Variants in PIAS3 observed in about 807,000 individuals in gnomAD.
PIAS3 encodes the protein E3 SUMO-protein ligase PIAS3.
A neutral mutation model predicts 67.6 loss-of-function variants in PIAS3; 34 were observed. The observed-to-expected ratio is 0.50, with a 90% CI of 0.38 to 0.67. The LOEUF is 0.67. Ranked by LOEUF, PIAS3 falls within the 30% of genes least tolerant of loss-of-function variation. The pLI is 0.00. For synonymous variants in PIAS3, 341 were observed against 313.8 expected, an observed-to-expected ratio of 1.09 and a Z score of -0.92; for missense variants, 693 against 791.6, an observed-to-expected ratio of 0.88 and a Z score of 1.49.
intron 9 of PIAS3, among the ~76,000 whole-genome samples, chr1:145,852,653 C>T (rs1653010095): frequency 1.3e-5 from 2 of 151,444 alleles, no homozygotes; most frequent in South Asian, 4.2e-4. Context: ...TGCAGTAATG[C>T]AATCATAGCT....
At position 145,859,008 on chromosome 1, in the gene PIAS3, G is replaced by A; in HGVS notation, c.-18C>T. 6.5e-7 allele frequency: 1 copy of A among 1,542,880 alleles called. No individual in the cohort carries two copies. The highest frequency in any genetic ancestry group is 1.7e-4 in the Middle Eastern group (1 of 5,726). On this transcript the variant is annotated 5_prime_UTR_variant, in exon 1 of 14. Transcript: ENST00000393045. ...TCCGCCATCTTGAGACATCGCAGGCGCCCCAGCCGGAGCCGGAGCTCAGGC... is the reference window on the plus strand; with the variant it reads ...TCCGCCATCTTGAGACATCGCAGGCACCCCAGCCGGAGCCGGAGCTCAGGC...
intron 1 of PIAS3, among the ~76,000 whole-genome samples, chr1:145,857,674 C>A (rs1346594786): frequency 6.6e-6 from 1 of 152,216 alleles, no homozygotes; most frequent in Non-Finnish European, 1.5e-5. Context: ...CCCCTCCCCA[C>A]AACTTAGTCC....
In PIAS3 at chr1:145,849,638, G is replaced by A. The variant is rs782718866; in HGVS notation, c.1695C>T (p.Thr565=). Residue 565 remains threonine, a synonymous_variant, in exon 14 of 14, where the codon ACC becomes ACT. Coordinates refer to ENST00000393045, the MANE Select transcript of PIAS3 (RefSeq NM_006099.3). ...CCAGTGGGCCCAGAAAGTGAGAAGG[G>A]GTCCCTCGGTACTGGAAGAAGTGGC... ...ALGHFFQYRG[T]PSHFLGPLAP... is the part of the protein sequence containing the mutation. 17 of 1,613,316 alleles carry A rather than the reference G, an allele frequency of 1.1e-5. 1 individual carries two copies. The highest frequency in any genetic ancestry group is 1.7e-5 in the Admixed American group (1 of 59,906).
intron 12 of PIAS3, 54 bp from the exon 13 acceptor site, chr1:145,850,323 A>T (rs1652905422): frequency 3.1e-6 from 5 of 1,613,696 alleles, no homozygotes. Context: ...CTTTACCACC[A>T]AAAGACAAAG....
Position 145,854,493 on chromosome 1 carries a change from T to C in PIAS3, c.875A>G (p.Lys292Arg), listed in dbSNP as rs1559164173. ...CGAGTGGTCTGGGTTCCGGATACCC[T>C]TTGCTCTGAGTTTTTGTAGAAGGGT... ...AGTLLQKLRA[K>R]GIRNPDHSRA... The change falls in exon 7 of 14, where the codon AAG becomes AGG. Residue 292 changes from lysine (K) to arginine (R), a missense_variant. Lys to Arg is a conservative substitution (Grantham distance 26, BLOSUM62 2). Around this residue, in one of 3 missense-constraint regions of PIAS3, gnomAD observed 115 missense variants for 181.8 expected, o/e 0.63. Transcript: ENST00000393045. 6.2e-7 allele frequency: 1 copy of C among 1,614,098 alleles called. No individual in the cohort carries two copies.
chr1:145,855,779 G>C lies in PIAS3; in HGVS notation c.626C>G (p.Pro209Arg), dbSNP rs587640377. 1.9e-6 allele frequency: 3 copies of C among 1,610,828 alleles called. No homozygotes were observed. Among genetic ancestry groups the C allele is most frequent in the East Asian group, 2.2e-5 (1 of 44,860 alleles). Residue 209 changes from proline (P) to arginine (R), a missense_variant, in exon 5 of 14, where the codon CCC becomes CGC. Physicochemically the swap from Pro to Arg is moderately radical, Grantham distance 103. Around this residue, in one of 3 missense-constraint regions of PIAS3, gnomAD observed 308 missense variants for 348.8 expected, o/e 0.88. Transcript: ENST00000393045. ...CCCATTGACCTTGACAAAGAGGTTG[G>C]GGGGAAAATAATCTTCCTGGGGGCA... ...TSCPQEDYFP[P>R]NLFVKVNGKL...
intron 1 of PIAS3, 53 bp downstream of exon 1, chr1:145,858,914 A>G: frequency 5.5e-6 from 8 of 1,450,294 alleles, no homozygotes; most frequent in Non-Finnish European, 7.3e-6. Flanking sequence ...CTTCCCGGAC[A>G]CGGCGTACCG....
chr1:145,855,928 A>C (rs1315322110), intron 4 of PIAS3, 102 bp from the exon 5 acceptor site: 1 of 1,031,904 alleles, frequency 9.7e-7, no homozygotes, highest in African/African-American at 1.6e-5. Flanking sequence ...AGATGCCTGA[A>C]GCCCTCAGCA....
intron 9 of PIAS3, 80 bp downstream of exon 9, chr1:145,853,421 AAAG>A: frequency 7.5e-6 from 9 of 1,196,948 alleles, no homozygotes; most frequent in Non-Finnish European, 9.3e-6. Flanking sequence ...AAAAAAAAAA[AAAG>A]AAAAGAAAAA....
At position 145,855,839 on chromosome 1, in the gene PIAS3, G is replaced by A. The variant is rs1653150376; in HGVS notation, c.579-13C>T. The stretch of plus-strand genomic sequence containing the variant: ...ACAGAGACAGAACCTGGTAAGAGAT[G>A]AGAAAGGAAGAAAGAGTGGGAAGAA... On this transcript the variant is annotated splice_polypyrimidine_tract_variant and intron_variant, in intron 4 of 13. Transcript: ENST00000393045. 1 of 1,499,124 alleles carries A rather than the reference G, an allele frequency of 6.7e-7. No homozygotes were observed. The allele number at this position is 1,499,124 out of a possible 1,614,324, so 92.9% of individuals were successfully genotyped here.
At chr1:145,853,783 C>T in intron 8 of PIAS3, 30 bp downstream of exon 8, 1 of 1,611,138 alleles carries the variant, frequency 6.2e-7, no homozygotes, top group Non-Finnish European at 8.5e-7. Flanking sequence ...ACTCCCTTCC[C>T]ACCCTGTTCC....
At position 145,856,129 on chromosome 1, in the gene PIAS3, G is replaced by C; in HGVS notation, c.528-11C>G. On this transcript the variant is annotated splice_polypyrimidine_tract_variant and intron_variant, in intron 3 of 13. Transcript: ENST00000393045. ...CCTGGCAGAACCTCTCTGTAACAGG[G>C]AGGGAGATGAAGAGATGTCAGCATG... 1.2e-6 allele frequency: 2 copies of C among 1,612,404 alleles called. No individual in the cohort carries two copies. The highest frequency in any genetic ancestry group is 1.7e-6 in the Non-Finnish European group (2 of 1,178,424).
intron 1 of PIAS3, chr1:145,857,282 G>A (rs782283490): frequency 1.0e-5 from 5 of 489,772 alleles, no homozygotes; most frequent in Non-Finnish European, 1.9e-5. Context: ...GTGGGGCAGG[G>A]AATGGCAGAC....
chr1:145,855,636 G>A (rs1653141199), intron 5 of PIAS3, 100 bp downstream of exon 5: 1 of 716,186 alleles, frequency 1.4e-6, no homozygotes, highest in Non-Finnish European at 2.5e-6. Flanking sequence ...TATGTGCCAC[G>A]CACTGTGCTA....
intron 11 of PIAS3, 58 bp from the exon 12 acceptor site, chr1:145,850,644 A>G (rs781950602): frequency 3.7e-6 from 6 of 1,602,358 alleles, no homozygotes; most frequent in South Asian, 1.1e-5. Flanking sequence ...CACCCAGCTC[A>G]GGTCCCCAGG....
At chr1:145,854,699 T>C in intron 6 of PIAS3, 47 bp downstream of exon 6, 1 of 1,613,838 alleles carries the variant, frequency 6.2e-7, no homozygotes, top group Non-Finnish European at 8.5e-7. Flanking sequence ...ATGGTTCCCC[T>C]TCACCCTCAG....
At position 145,855,813 on chromosome 1, in the gene PIAS3, C is replaced by T; in HGVS notation, c.592G>A (p.Glu198Lys). ...TAATCTTCCTGGGGGCAGCTGGTCT[C>T]ACAGAGACAGAACCTGGTAAGAGAT... ...IQVQLRFCLC[E>K]TSCPQEDYFP... The change falls in exon 5 of 14, where the codon GAG becomes AAG. Residue 198 changes from glutamate to lysine, a missense_variant. Physicochemically the swap from Glu to Lys is moderately conservative, Grantham distance 56. This residue lies in a region of PIAS3 where 308 missense variants were observed against 348.8 expected (regional missense o/e 0.88). Coordinates refer to ENST00000393045, the MANE Select transcript of PIAS3 (RefSeq NM_006099.3). 1 of 1,600,906 alleles carries T rather than the reference C, an allele frequency of 6.2e-7. No individual in the cohort carries two copies. Among genetic ancestry groups the T allele is most frequent in the Non-Finnish European group, 8.6e-7 (1 of 1,168,014 alleles).
intron 6 of PIAS3, 51 bp downstream of exon 6, chr1:145,854,695 C>T: frequency 6.2e-7 from 1 of 1,613,306 alleles, no homozygotes; most frequent in South Asian, 1.1e-5. Context: ...CTGGATGGTT[C>T]CCCTTCACCC....
At position 145,851,190 on chromosome 1, in the gene PIAS3, G is replaced by A. The variant is rs587622030; in HGVS notation, c.1146-37C>T. 227 of 1,609,198 alleles carry A rather than the reference G, an allele frequency of 1.4e-4. No homozygotes were observed. In the African/African-American group the frequency reaches 2.1e-3, roughly 15 times the overall value. On this transcript the variant is annotated intron_variant, in intron 9 of 13. Coordinates refer to ENST00000393045, the MANE Select transcript of PIAS3 (RefSeq NM_006099.3). ...GAGAGATGAAAATTCACGGGGCTGGGAGATGAGCAGAACAGTAGCCAGAGT... is the reference window on the plus strand; with the variant it reads ...GAGAGATGAAAATTCACGGGGCTGGAAGATGAGCAGAACAGTAGCCAGAGT...
Sources: gnomAD v4.1 joint callset for allele counts (sites outside exome capture counted in the v4.1 genomes callset) on GRCh38, gnomAD v4.1.1 for gene constraint, gnomAD v4.1.1 regional missense constraint, MANE v1.5 for transcripts, NCBI Gene and HGNC (gene_info 2026-07-23, HGNC 2026-07-21) for gene names.